Variants in TMEM170B observed in about 807,000 individuals in gnomAD.
The protein encoded by TMEM170B is transmembrane protein 170B.
Under a neutral mutation model 13.0 loss-of-function variants are expected in TMEM170B, and 6 were observed. That is an observed-to-expected ratio of 0.46 (90% CI 0.25 to 0.91). The LOEUF (loss-of-function observed/expected upper bound fraction) is 0.91, where lower values mean the gene tolerates loss of function less well. Ranked by LOEUF, TMEM170B falls within the 40% of genes least tolerant of loss-of-function variation. TMEM170B has a pLI of 0.17. For missense variants in TMEM170B, 138 were observed against 165.2 expected, an observed-to-expected ratio of 0.84 and a Z score of 0.90; for synonymous variants, 61 against 64.9, an observed-to-expected ratio of 0.94 and a Z score of 0.29.
chr6:11,538,319 G>C lies in TMEM170B; in HGVS notation c.42G>C (p.Ser14=). 1 of 1,492,208 alleles carries C rather than the reference G, an allele frequency of 6.7e-7. No individual in the cohort carries two copies. The highest frequency in any genetic ancestry group is 8.9e-7 in the Non-Finnish European group (1 of 1,127,422). The allele number at this position is 1,492,208 out of a possible 1,614,324, so 92.4% of individuals were successfully genotyped here. The change falls in exon 1 of 3, where the codon TCG becomes TCC. Residue 14 remains serine, a synonymous_variant. Coordinates refer to ENST00000379426, the MANE Select transcript of TMEM170B (RefSeq NM_001100829.3). ...GCGACCACTCCATGATCAACCTGTC[G>C]GTGCAGCAGGTCCTGAGCCTCTGGG... ...EGGDHSMINL[S]VQQVLSLWAH...
At chr6:11,565,392 A>G (rs1759720262) in intron 1 of TMEM170B, among the ~76,000 whole-genome samples, 1 of 152,206 alleles carries the variant, frequency 6.6e-6, no homozygotes, top group Non-Finnish European at 1.5e-5. Flanking sequence ...TATAAAATTG[A>G]TGGATGATAG....
rs1414750230 is a variant in TMEM170B at position 11,576,366 on chromosome 6, T to C, written c.*805T>C. 2.0e-5 allele frequency: 3 copies of C among 152,332 alleles called. No homozygotes were observed. Among genetic ancestry groups the C allele is most frequent in the East Asian group, 3.9e-4 (2 of 5,182 alleles). The allele number at this position is 152,332 out of a possible 1,614,324, so 9.4% of individuals were successfully genotyped here. A position where few individuals can be genotyped will look rare whatever the true frequency, so the allele number is the denominator to read the frequency against. Reference sequence around the variant, plus strand: ...TAGTTTGTGCGTCATAAAAATGTAATTTGAAGATTTTCTTAAAAATTTTTG... The same window carrying C: ...TAGTTTGTGCGTCATAAAAATGTAACTTGAAGATTTTCTTAAAAATTTTTG... On this transcript the variant is annotated 3_prime_UTR_variant, in exon 3 of 3. Transcript: ENST00000379426.
In TMEM170B at chr6:11,583,001, AT is replaced by A. The variant is rs1759979433; in HGVS notation, c.*7446del. 1 of 152,146 alleles carries A rather than the reference AT, an allele frequency of 6.6e-6. No individual in the cohort carries two copies. Among genetic ancestry groups the A allele is most frequent in the East Asian group, 1.9e-4 (1 of 5,208 alleles). 9.4% of individuals were successfully genotyped at this position (152,146 alleles called of 1,614,324 possible). A position where few individuals can be genotyped will look rare whatever the true frequency, so the allele number is the denominator to read the frequency against. ...ATTGATTTTTAATTTTATATAAGCA[AT>A]TTTTTATTTCCCAATTCATGTACAA... On this transcript the variant is annotated 3_prime_UTR_variant, in exon 3 of 3. Coordinates refer to ENST00000379426, the MANE Select transcript of TMEM170B (RefSeq NM_001100829.3).
chr6:11,577,456 G>A lies in TMEM170B; in HGVS notation c.*1895G>A, dbSNP rs1242674849. 1 of 151,932 alleles carries A rather than the reference G, an allele frequency of 6.6e-6. No individual in the cohort carries two copies. The highest frequency in any genetic ancestry group is 2.4e-5 in the African/African-American group (1 of 41,388). 9.4% of individuals were successfully genotyped at this position (151,932 alleles called of 1,614,324 possible). ...TTCTTTTCTGCCAGACTTGAATTGTGTTCTTCTTTTACTTTGGCTATTCTG... is the reference window on the plus strand; with the variant it reads ...TTCTTTTCTGCCAGACTTGAATTGTATTCTTCTTTTACTTTGGCTATTCTG... On this transcript the variant is annotated 3_prime_UTR_variant, in exon 3 of 3. Transcript: ENST00000379426.
intron 1 of TMEM170B, among the ~76,000 whole-genome samples, chr6:11,556,377 G>T (rs1759586948): frequency 6.6e-6 from 1 of 152,098 alleles, no homozygotes; most frequent in African/African-American, 2.4e-5. Flanking sequence ...GCTCTGTACT[G>T]CAGGGTTATT....
intron 1 of TMEM170B, among the ~76,000 whole-genome samples, chr6:11,559,758 C>G (rs902850509): frequency 6.6e-6 from 1 of 151,928 alleles, no homozygotes; most frequent in Non-Finnish European, 1.5e-5. Flanking sequence ...TGAAATAACC[C>G]AATTTGGACA....
rs1759965481 is a variant in TMEM170B, at chr6:11,582,122, A to AGTT, written c.*6562_*6564dup. ...ACCAAAAATATTAGCCCCTGACTCT[A>AGTT]GTTATTCTGAGATGAGGGAATCAAC... On this transcript the variant is annotated 3_prime_UTR_variant, in exon 3 of 3. Coordinates refer to ENST00000379426, the MANE Select transcript of TMEM170B (RefSeq NM_001100829.3). 1 of 152,228 alleles carries AGTT rather than the reference A, an allele frequency of 6.6e-6. No individual in the cohort carries two copies. Among genetic ancestry groups the AGTT allele is most frequent in the South Asian group, 2.1e-4 (1 of 4,836 alleles). 9.4% of individuals were successfully genotyped at this position (152,228 alleles called of 1,614,324 possible). A position where few individuals can be genotyped will look rare whatever the true frequency, so the allele number is the denominator to read the frequency against.
chr6:11,560,512 G>A (rs189980980), intron 1 of TMEM170B, among the ~76,000 whole-genome samples: 1 of 149,954 alleles, frequency 6.7e-6, no homozygotes, highest in Non-Finnish European at 1.5e-5. Flanking sequence ...TCAGGAGACT[G>A]AGGCAGGAGA....
intron 1 of TMEM170B, among the ~76,000 whole-genome samples, chr6:11,548,387 C>T (rs1759468182): frequency 6.6e-6 from 1 of 152,192 alleles, no homozygotes; most frequent in Admixed American, 6.5e-5. Context: ...TACCATCCCA[C>T]ACCAGTTAGA....
chr6:11,570,338 G>C (rs1759783759), intron 2 of TMEM170B, among the ~76,000 whole-genome samples: 2 of 151,972 alleles, frequency 1.3e-5, no homozygotes, highest in Admixed American at 1.3e-4. Flanking sequence ...TTGTAAGTCA[G>C]GTATATGAAA....
chr6:11,550,700 G>A (rs1211471199), intron 1 of TMEM170B, among the ~76,000 whole-genome samples: 1 of 152,070 alleles, frequency 6.6e-6, no homozygotes, highest in Non-Finnish European at 1.5e-5. Context: ...AATCCCACGA[G>A]GTAGACACCA....
intron 1 of TMEM170B, among the ~76,000 whole-genome samples, chr6:11,554,402 T>C (rs1759562645): frequency 6.6e-6 from 1 of 151,968 alleles, no homozygotes; most frequent in African/African-American, 2.4e-5. Context: ...CATTTAATCC[T>C]TACACTTTTT....
chr6:11,566,198 T>C (rs1199930740), intron 2 of TMEM170B, among the ~76,000 whole-genome samples: 1 of 152,216 alleles, frequency 6.6e-6, no homozygotes, highest in Non-Finnish European at 1.5e-5. Context: ...GTGATAATTA[T>C]CATAAGCAAA....
chr6:11,562,803 A>G (rs1759685864), intron 1 of TMEM170B, among the ~76,000 whole-genome samples: 1 of 152,106 alleles, frequency 6.6e-6, no homozygotes, highest in African/African-American at 2.4e-5. Flanking sequence ...ATTTAGTTCT[A>G]TACAATTGTA....
In TMEM170B at chr6:11,582,635, G is replaced by T. The variant is rs1344176406; in HGVS notation, c.*7074G>T. 4 of 151,942 alleles carry T rather than the reference G, an allele frequency of 2.6e-5. No individual in the cohort carries two copies. The highest frequency in any genetic ancestry group is 7.3e-5 in the African/African-American group (3 of 41,238). The allele number at this position is 151,942 out of a possible 1,614,324, so 9.4% of individuals were successfully genotyped here. ...AAATTTAGTTTTGTTGTAAACTAGA[G>T]ATTCTAGTGAACAGTGTTAGTTTTA... On this transcript the variant is annotated 3_prime_UTR_variant, in exon 3 of 3. Transcript: ENST00000379426.
chr6:11,555,832 T>C (rs1159715939), intron 1 of TMEM170B, among the ~76,000 whole-genome samples: 1 of 152,268 alleles, frequency 6.6e-6, no homozygotes, highest in Non-Finnish European at 1.5e-5. Flanking sequence ...GTGCTTCTTT[T>C]AATTTTTTGA....
At position 11,581,440 on chromosome 6, in the gene TMEM170B, A is replaced by G. The variant is rs1759955219; in HGVS notation, c.*5879A>G. ...GGCAAGTCAGGAGAGCATGAACCTC[A>G]TACATACATTTTTACGATTATGTAC... is the stretch of plus-strand genomic sequence containing the variant. On this transcript the variant is annotated 3_prime_UTR_variant, in exon 3 of 3. Transcript: ENST00000379426. The G allele has an allele frequency of 6.6e-6, 1 of 152,224 alleles. No homozygotes were observed. The highest frequency in any genetic ancestry group is 1.5e-5 in the Non-Finnish European group (1 of 68,036). The allele number at this position is 152,224 out of a possible 1,614,324, so 9.4% of individuals were successfully genotyped here.
At chr6:11,538,875 A>G (rs1759321492) in intron 1 of TMEM170B, among the ~76,000 whole-genome samples, 1 of 152,228 alleles carries the variant, frequency 6.6e-6, no homozygotes, top group Admixed American at 6.5e-5. Context: ...TGGGCGATGT[A>G]GATAACTGAG....
At chr6:11,559,839 A>G (rs1759638682) in intron 1 of TMEM170B, among the ~76,000 whole-genome samples, 1 of 151,912 alleles carries the variant, frequency 6.6e-6, no homozygotes, top group Admixed American at 6.5e-5. Context: ...GAAAAAATAT[A>G]TATATAAAAT....
Sources: allele counts gnomAD v4.1 joint callset (sites outside exome capture counted in the v4.1 genomes callset), GRCh38; gene constraint gnomAD v4.1.1; transcripts MANE v1.5; gene names NCBI Gene and HGNC (gene_info 2026-07-23, HGNC 2026-07-21).